VPS13C: variants seen among roughly 807,000 people sequenced by gnomAD.
The protein encoded by VPS13C is intermembrane lipid transfer protein VPS13C.
VPS13C carries 358 observed loss-of-function variants against 456.8 expected under a neutral mutation model. That is an observed-to-expected ratio of 0.78 (90% CI 0.72 to 0.86). The LOEUF (loss-of-function observed/expected upper bound fraction) is 0.86. Ranked by LOEUF, VPS13C falls within the 40% of genes least tolerant of loss-of-function variation. The probability of loss-of-function intolerance (pLI) is 0.00; values close to 1 mark genes in which losing one functional copy is unlikely to be tolerated. For missense variants in VPS13C, 4,818 were observed against 4,385.4 expected, an observed-to-expected ratio of 1.10 and a Z score of -2.79; for synonymous variants, 1,578 against 1,486.7, an observed-to-expected ratio of 1.06 and a Z score of -1.41.
chr15:61,912,875 G>A (rs1454641165), intron 62 of VPS13C, among the ~76,000 whole-genome samples: 1 of 142,864 alleles, frequency 7.0e-6, no homozygotes. Flanking sequence ...TCCTACCTAT[G>A]AGTGAGAACA....
At chr15:61,946,142 G>C (rs1334484158) in intron 44 of VPS13C, among the ~76,000 whole-genome samples, 165 bp downstream of exon 44, 1 of 152,076 alleles carries the variant, frequency 6.6e-6, no homozygotes, top group Non-Finnish European at 1.5e-5. Flanking sequence ...AAGAGGCCTA[G>C]TCTATACACA....
intron 1 of VPS13C, among the ~76,000 whole-genome samples, chr15:62,048,050 ATTTG>A (rs1312438730): frequency 6.7e-6 from 1 of 149,210 alleles, no homozygotes; most frequent in African/African-American, 2.5e-5. Flanking sequence ...AAGGGTAAAT[ATTTG>A]TTTTTGGTTT....
rs1260575460 is a variant in VPS13C, at chr15:62,019,304, T to C, written c.684+1175A>G. Among the ~76,000 whole-genome samples the C allele has an allele frequency of 2.0e-5, 3 of 152,154 alleles. No individual in the cohort carries two copies. In the East Asian group the frequency reaches 5.8e-4, roughly 29 times the overall value. ...TCTATTTCCTTCAGTTCTGCTCTGATCTTAGTTATTTCTTGCCTTCTGCTA... is the reference window on the plus strand; with the variant it reads ...TCTATTTCCTTCAGTTCTGCTCTGACCTTAGTTATTTCTTGCCTTCTGCTA... On this transcript the variant is annotated intron_variant, in intron 9 of 84. Transcript: ENST00000644861.
intron 71 of VPS13C, 37 bp from the exon 72 acceptor site, chr15:61,880,991 C>T (rs774215086): frequency 1.3e-6 from 2 of 1,503,066 alleles, no homozygotes; most frequent in South Asian, 1.2e-5. Context: ...AGGATTTCTA[C>T]CAAATCTTTT....
chr15:61,980,919 T>C lies in VPS13C; in HGVS notation c.2166+423A>G, dbSNP rs548105500. On this transcript the variant is annotated intron_variant, in intron 22 of 84. Coordinates refer to ENST00000644861, the MANE Select transcript of VPS13C (RefSeq NM_020821.3). ...CTTTTACTGGAGGCTTGGCTTTCTA[T>C]GAGATTCAAAATCCAAAATCCAAAA... Among the ~76,000 whole-genome samples the C allele has an allele frequency of 3.3e-5, 5 of 152,330 alleles. No individual in the cohort carries two copies. The South Asian group carries it at 1.0e-3, about 32-fold the overall frequency.
intron 1 of VPS13C, among the ~76,000 whole-genome samples, chr15:62,048,738 T>C (rs961063029): frequency 2.6e-5 from 4 of 152,034 alleles, no homozygotes; most frequent in African/African-American, 4.8e-5. Context: ...AAAGTGTTCC[T>C]ATTTCTCCAC....
chr15:61,902,070 C>G (rs961113097), intron 66 of VPS13C, among the ~76,000 whole-genome samples: 1 of 134,538 alleles, frequency 7.4e-6, no homozygotes, highest in Admixed American at 9.0e-5. Context: ...AATGCGATCA[C>G]ATGGACACAG....
In VPS13C at chr15:62,010,447, C is replaced by G. The variant is rs368566437; in HGVS notation, c.1011+25G>C. 1.5e-4 allele frequency: 226 copies of G among 1,557,672 alleles called. 1 individual carries two copies. The highest frequency in any genetic ancestry group is 1.6e-4 in the Non-Finnish European group (188 of 1,152,976). On this transcript the variant is annotated intron_variant, in intron 13 of 84. Coordinates refer to ENST00000644861, the MANE Select transcript of VPS13C (RefSeq NM_020821.3). ...AGTCAAGATTCAAGGCTAATCAAAG[C>G]TGGAAATATCCACATGAATCATACC...
chr15:61,970,111 A>G (rs1460310177), intron 27 of VPS13C, among the ~76,000 whole-genome samples: 1 of 152,196 alleles, frequency 6.6e-6, no homozygotes, highest in Non-Finnish European at 1.5e-5. Flanking sequence ...TAAAAAGTTC[A>G]ACTACTCAGA....
At position 61,881,493 on chromosome 15, in the gene VPS13C, G is replaced by A. The variant is rs137983502; in HGVS notation, c.9776+70C>T. On this transcript the variant is annotated intron_variant, in intron 71 of 84. Transcript: ENST00000644861. ...TACATGAAAGTCACTTTCAAAAAGA[G>A]TAAGATTTATTTTCAAAGTAGATTC... 37 of 1,446,300 alleles carry A rather than the reference G, an allele frequency of 2.6e-5. 1 individual carries two copies. The East Asian group carries it at 8.7e-4, about 34-fold the overall frequency. The allele number at this position is 1,446,300 out of a possible 1,614,324, so 89.6% of individuals were successfully genotyped here. A position where few individuals can be genotyped will look rare whatever the true frequency, so the allele number is the denominator to read the frequency against.
intron 1 of VPS13C, among the ~76,000 whole-genome samples, chr15:62,054,151 T>C (rs1182208798): frequency 6.6e-6 from 1 of 152,250 alleles, no homozygotes; most frequent in Non-Finnish European, 1.5e-5. Context: ...TATATGTTAC[T>C]CTTAAAACAA....
intron 66 of VPS13C, chr15:61,906,971 T>C: frequency 3.2e-6 from 1 of 309,276 alleles, no homozygotes; most frequent in Non-Finnish European, 6.1e-6. Context: ...GTTTTTAACT[T>C]AGTCTTACAA....
chr15:61,911,469 C>A (rs2043299617), intron 63 of VPS13C, among the ~76,000 whole-genome samples: 1 of 152,156 alleles, frequency 6.6e-6, no homozygotes, highest in African/African-American at 2.4e-5. Flanking sequence ...TTAGGATGTG[C>A]TATCTCTCCA....
Position 62,023,808 on chromosome 15 carries a change from T to C in VPS13C, c.486A>G (p.Lys162=), listed in dbSNP as rs1241269773. The C allele has an allele frequency of 6.2e-7, 1 of 1,610,574 alleles. No homozygotes were observed. Among genetic ancestry groups the C allele is most frequent in the African/African-American group, 1.3e-5 (1 of 74,728 alleles). Residue 162 remains lysine (K), a synonymous_variant, in exon 7 of 85, where the codon AAA becomes AAG. Transcript: ENST00000644861. ...TTGAACGATCAAGACCTTTAAAAGG[T>C]TTCTTAAAATGTTTTTTGTGCTTTT... The part of the protein sequence containing the change: ...KRKKHKKHFK[K]PFKGLDRSKD...
chr15:61,878,423 C>A (rs575387502), intron 74 of VPS13C, among the ~76,000 whole-genome samples, 184 bp downstream of exon 74: 1 of 151,758 alleles, frequency 6.6e-6, no homozygotes, highest in Non-Finnish European at 1.5e-5. Flanking sequence ...AGACTCTACA[C>A]CTTATCATTA....
intron 1 of VPS13C, among the ~76,000 whole-genome samples, chr15:62,044,571 T>C (rs1467673122): frequency 1.3e-5 from 2 of 152,178 alleles, no homozygotes; most frequent in Non-Finnish European, 2.9e-5. Context: ...GTAGCCATCA[T>C]TTTGAATGAT....
intron 38 of VPS13C, among the ~76,000 whole-genome samples, chr15:61,953,971 T>C (rs920625363): frequency 1.1e-4 from 17 of 152,196 alleles, no homozygotes; most frequent in African/African-American, 4.1e-4. Flanking sequence ...ATACAATAAA[T>C]ATTTGTTGGA....
intron 15 of VPS13C, 86 bp downstream of exon 15, chr15:62,007,222 T>A: frequency 1.9e-6 from 2 of 1,061,986 alleles, no homozygotes; most frequent in Non-Finnish European, 2.5e-6. Context: ...CTTCCTAAAA[T>A]TATTTTTTGA....
rs769613934 is a variant in VPS13C at position 61,856,292 on chromosome 15, T to C, written c.11070A>G (p.Ser3690=). Residue 3690 remains serine, a synonymous_variant, in exon 83 of 85, where the codon TCA becomes TCG. Transcript: ENST00000644861. ...PSVSENVLKI[S]VKEQGLFHKK... ...GTGTGACATGTTTTCTTACCTTAAC[T>C]GAAATTTTTAGCACATTTTCACTGA... The C allele has an allele frequency of 4.3e-6, 7 of 1,612,998 alleles. No individual in the cohort carries two copies. The highest frequency in any genetic ancestry group is 1.7e-5 in the Admixed American group (1 of 59,922).
Sources: gnomAD v4.1 joint callset for allele counts (sites outside exome capture counted in the v4.1 genomes callset) on GRCh38, gnomAD v4.1.1 for gene constraint, MANE v1.5 for transcripts, NCBI Gene and HGNC (gene_info 2026-07-23, HGNC 2026-07-21) for gene names.